The following NTRK3 variants were observed in gnomAD, a reference collection of about 807,000 sequenced individuals.
NTRK3 encodes the protein NT-3 growth factor receptor.
NTRK3 carries 24 observed loss-of-function variants against 91.7 expected under a neutral mutation model. The observed-to-expected ratio is 0.26, with a 90% CI of 0.19 to 0.37. NTRK3 has a LOEUF of 0.37. Among genes scored for constraint, NTRK3 ranks in the 10% least tolerant of loss-of-function variants. The pLI is 1.00. For synonymous variants in NTRK3, 483 were observed against 404.0 expected (o/e 1.20, Z -2.34); for missense variants, 880 against 1,068.9 (o/e 0.82, Z 2.46).
chr15:87,937,907 G>A (rs141538690), intron 15 of NTRK3, among the ~76,000 whole-genome samples: 1 of 150,894 alleles, frequency 6.6e-6, no homozygotes, highest in Admixed American at 6.6e-5. Flanking sequence ...ACCACATGAA[G>A]AATTCATGAA....
rs774935564 is a variant in NTRK3, at chr15:88,128,702, C to T, written c.1228+9G>A. The stretch of plus-strand genomic sequence containing the variant: ...ATCAGTTTCAAAGCAACAGGTAAAG[C>T]AGACTTACACAAGATAAAGTTATCC... On this transcript the variant is annotated intron_variant, in intron 11 of 18. Transcript: ENST00000394480. 1.9e-6 allele frequency: 3 copies of T among 1,613,774 alleles called. No homozygotes were observed. The highest frequency in any genetic ancestry group is 3.3e-5 in the Admixed American group (2 of 59,998).
intron 14 of NTRK3, among the ~76,000 whole-genome samples, chr15:87,952,923 C>A (rs1427439096): frequency 6.6e-6 from 1 of 152,072 alleles, no homozygotes; most frequent in African/African-American, 2.4e-5. Flanking sequence ...AGGTCGGAGG[C>A]CAGGGCCTGC....
rs1201727109 is a variant in NTRK3, at chr15:88,135,510, G to A, written c.908-113C>T. 6 of 1,212,350 alleles carry A rather than the reference G, an allele frequency of 4.9e-6. No homozygotes were observed. The East Asian group carries it at 1.3e-4, about 26-fold the overall frequency. 75.1% of individuals were successfully genotyped at this position (1,212,350 alleles called of 1,614,324 possible). A position where few individuals can be genotyped will look rare whatever the true frequency, so the allele number is the denominator to read the frequency against. ...GTTCTTCCCCACCCACTCTGAAAAG[G>A]CTGAGGGAAGCAGAAGTCCCACCAC... On this transcript the variant is annotated intron_variant, in intron 9 of 18. Coordinates refer to ENST00000394480, the Ensembl canonical transcript of NTRK3.
intron 3 of NTRK3, among the ~76,000 whole-genome samples, chr15:88,245,471 C>A (rs1369457881): frequency 6.6e-6 from 1 of 152,222 alleles, no homozygotes; most frequent in Non-Finnish European, 1.5e-5. Flanking sequence ...ACTCTTCCCA[C>A]TACACCATGC....
chr15:87,967,688 T>C (rs533614621), intron 14 of NTRK3, among the ~76,000 whole-genome samples: 1 of 152,346 alleles, frequency 6.6e-6, no homozygotes, highest in South Asian at 2.1e-4. Flanking sequence ...TAATGTTTAC[T>C]GTGACATCAA....
intron 5 of NTRK3, among the ~76,000 whole-genome samples, chr15:88,182,020 C>G (rs370472920): frequency 6.6e-6 from 1 of 152,290 alleles, no homozygotes; most frequent in East Asian, 1.9e-4. Flanking sequence ...CTGGTCCCAG[C>G]TATGCCTCCA....
At chr15:88,256,061 A>T in exon 3 of NTRK3, 1 of 1,613,312 alleles carries the variant, frequency 6.2e-7, no homozygotes, top group Non-Finnish European at 8.5e-7. Context: ...TTGCAGGGCA[A>T]GCCAGCACGG....
At chr15:88,075,589 TTTTC>T (rs1468166307) in intron 13 of NTRK3, among the ~76,000 whole-genome samples, 11 of 152,124 alleles carry the variant, frequency 7.2e-5, no homozygotes, top group Non-Finnish European at 1.2e-4. Context: ...AGTCTCCCTT[TTTTC>T]TTTATGTTTG....
chr15:88,112,473 T>G (rs2051516504), intron 13 of NTRK3, among the ~76,000 whole-genome samples: 1 of 152,108 alleles, frequency 6.6e-6, no homozygotes, highest in Non-Finnish European at 1.5e-5. Flanking sequence ...TGGTTGAAGG[T>G]CAGGAAGGCT....
chr15:88,064,056 G>A lies in NTRK3; in HGVS notation c.1397-31011C>T, dbSNP rs77330406. Among the ~76,000 whole-genome samples, 1,269 of 152,254 alleles carry A rather than the reference G, an allele frequency of 8.3e-3. 12 individuals are homozygous for A. Among genetic ancestry groups the A allele is most frequent in the African/African-American group, 0.029 (1,202 of 41,550 alleles). On this transcript the variant is annotated intron_variant, in intron 13 of 18. Coordinates refer to ENST00000394480, the Ensembl canonical transcript of NTRK3. ...TCAGGCCCTAAAGCCAACAACAGAT[G>A]TCCTTATAAAAGACAGAAAAGGACA...
intron 6 of NTRK3, among the ~76,000 whole-genome samples, chr15:88,144,784 C>T (rs1226788457): frequency 6.6e-6 from 1 of 152,124 alleles, no homozygotes; most frequent in Non-Finnish European, 1.5e-5. Flanking sequence ...CAAGATGTGC[C>T]TCTTCCTTCT....
At chr15:88,077,512 G>C (rs1472815058) in intron 13 of NTRK3, among the ~76,000 whole-genome samples, 1 of 151,926 alleles carries the variant, frequency 6.6e-6, no homozygotes, top group Non-Finnish European at 1.5e-5. Flanking sequence ...TCAAAACCTT[G>C]AGAAACCCGG....
rs189054685 is a variant in NTRK3 at position 88,206,997 on chromosome 15, C to T, written c.249-22698G>A. Among the ~76,000 whole-genome samples the T allele has an allele frequency of 6.2e-3, 943 of 152,300 alleles. 11 individuals are homozygous for T. The highest frequency in any genetic ancestry group is 0.022 in the African/African-American group (896 of 41,576). On this transcript the variant is annotated intron_variant, in intron 3 of 18. Coordinates refer to ENST00000394480, the Ensembl canonical transcript of NTRK3. ...AGGCTTGGTCAGCGCCCCAGGTCTACATTACCCAGAACCTTCTGTTCCTCC... is the reference window on the plus strand; with the variant it reads ...AGGCTTGGTCAGCGCCCCAGGTCTATATTACCCAGAACCTTCTGTTCCTCC...
At chr15:87,923,895 C>T (rs1179079730) in intron 17 of NTRK3, among the ~76,000 whole-genome samples, 1 of 152,090 alleles carries the variant, frequency 6.6e-6, no homozygotes, top group East Asian at 1.9e-4. Flanking sequence ...CATGTGATGT[C>T]TTCTGCCATG....
rs1473175970 is a variant in NTRK3, at chr15:88,255,027, T to G, written c.248+879A>C. ...CAAGGAGAAAAGAGCAGGCCACCAC[T>G]GGTCTCCCTCGGAGGGGGCAGAACC... On this transcript the variant is annotated intron_variant, in intron 3 of 18. Transcript: ENST00000394480. The surrounding 1 kb of genome is among the most constrained non-coding windows in gnomAD (Gnocchi z 4.3). Among the ~76,000 whole-genome samples, 1 of 152,142 alleles carries G rather than the reference T, an allele frequency of 6.6e-6. No homozygotes were observed. Among genetic ancestry groups the G allele is most frequent in the Non-Finnish European group, 1.5e-5 (1 of 68,022 alleles).
In NTRK3 at chr15:88,235,379, G is replaced by A. The variant is rs952188944; in HGVS notation, c.248+20527C>T. 1.3e-5 allele frequency among the ~76,000 whole-genome samples: 2 copies of A among 152,182 alleles called. No homozygotes were observed. Among genetic ancestry groups the A allele is most frequent in the Non-Finnish European group, 2.9e-5 (2 of 68,030 alleles). On this transcript the variant is annotated intron_variant, in intron 3 of 18. Coordinates refer to ENST00000394480, the Ensembl canonical transcript of NTRK3. The surrounding 1 kb of genome is among the most constrained non-coding windows in gnomAD (Gnocchi z 5.2). Reference sequence around the variant, plus strand: ...CAGTCAGTACCCTGCCGCAGACAGTGGACACTCACTGGTCTCGGCCTTCCC... The same window carrying A: ...CAGTCAGTACCCTGCCGCAGACAGTAGACACTCACTGGTCTCGGCCTTCCC...
At chr15:88,174,794 G>A (rs1052879198) in intron 5 of NTRK3, among the ~76,000 whole-genome samples, 9 of 152,214 alleles carry the variant, frequency 5.9e-5, no homozygotes, top group Admixed American at 5.9e-4. Context: ...CGCCCATCTC[G>A]GGTCAGCAGC....
rs1105694 is a variant in NTRK3 at position 88,253,728 on chromosome 15, C to A, written c.248+2178G>T. ...AGAGAAAGGAGTCCTGATGGCCTCT[C>A]AGAATCCAAGTCCTGAAACAAGAAT... On this transcript the variant is annotated intron_variant, in intron 3 of 18. Coordinates refer to ENST00000394480, the Ensembl canonical transcript of NTRK3. Among the ~76,000 whole-genome samples, 809 of 152,278 alleles carry A rather than the reference C, an allele frequency of 5.3e-3. 4 individuals carry two copies. Among genetic ancestry groups the A allele is most frequent in the Non-Finnish European group, 8.2e-3 (555 of 68,022 alleles).
At chr15:88,040,784 G>C (rs1567276321) in intron 13 of NTRK3, among the ~76,000 whole-genome samples, 1 of 152,144 alleles carries the variant, frequency 6.6e-6, no homozygotes, top group Non-Finnish European at 1.5e-5. Flanking sequence ...ACAAGAAAAG[G>C]AAAGATGGAG....
Sources: allele counts gnomAD v4.1 joint callset (sites outside exome capture counted in the v4.1 genomes callset), GRCh38; gene constraint gnomAD v4.1.1; non-coding constraint Gnocchi (gnomAD v3.1); transcripts MANE v1.5; gene names NCBI Gene and HGNC (gene_info 2026-07-23, HGNC 2026-07-21).